Variants in KCNMA1 observed in about 807,000 individuals in gnomAD.
KCNMA1 encodes the protein Calcium-activated potassium channel subunit alpha-1.
Under a neutral mutation model 140.0 loss-of-function variants are expected in KCNMA1, and 29 were observed. The ratio of observed to expected loss-of-function variants is 0.21; its 90% CI spans 0.15 to 0.28. KCNMA1 has a LOEUF of 0.28. Among genes scored for constraint, KCNMA1 ranks in the 10% least tolerant of loss-of-function variants. The probability of loss-of-function intolerance (pLI) is 1.00; values close to 1 mark genes in which losing one functional copy is unlikely to be tolerated. For missense variants in KCNMA1, 880 were observed against 1,602.2 expected (o/e 0.55, Z 7.70); for synonymous variants, 612 against 611.9 (o/e 1.00, Z 0.00).
chr10:77,007,603 T>A (rs1378894189), intron 18 of KCNMA1, among the ~76,000 whole-genome samples: 12 of 147,644 alleles, frequency 8.1e-5, no homozygotes, highest in Non-Finnish European at 1.2e-4. Flanking sequence ...AATTTTTACA[T>A]ATAAGAATGT....
At chr10:77,082,163 G>T in intron 12 of KCNMA1, among the ~76,000 whole-genome samples, 1 of 151,036 alleles carries the variant, frequency 6.6e-6, no homozygotes. Context: ...TGAGTAACTG[G>T]GATTACAGGC....
chr10:77,426,070 T>A (rs2096981521), intron 1 of KCNMA1, among the ~76,000 whole-genome samples: 1 of 152,228 alleles, frequency 6.6e-6, no homozygotes, highest in Non-Finnish European at 1.5e-5. Context: ...GGACTCTCTT[T>A]AAATATTCAT....
intron 1 of KCNMA1, among the ~76,000 whole-genome samples, chr10:77,451,222 G>C (rs191597370): frequency 6.6e-6 from 1 of 152,170 alleles, no homozygotes; most frequent in African/African-American, 2.4e-5. Context: ...AGATACAAGA[G>C]GAGCCTGACC....
rs2049489016 is a variant in KCNMA1 at position 76,910,091 on chromosome 10, C to T, written c.3022G>A (p.Asp1008Asn). The change falls in exon 25 of 28, where the codon GAT (aspartate) becomes AAT (asparagine). Residue 1008 changes from aspartate to asparagine, a missense_variant. Coordinates refer to ENST00000286628, the MANE Select transcript of KCNMA1 (RefSeq NM_001161352.2). Reference protein sequence around the residue: ...NIPIITELVNDTNVQFLDQDD... With the variant: ...NIPIITELVNNTNVQFLDQDD... ...TGGTCCAAAAACTGAACATTAGTAT[C>T]GTTCACTAGAAAAAGCATAAAATAA... The T allele has an allele frequency of 3.7e-6, 6 of 1,613,902 alleles. No individual in the cohort carries two copies. The highest frequency in any genetic ancestry group is 4.2e-6 in the Non-Finnish European group (5 of 1,179,876).
intron 6 of KCNMA1, among the ~76,000 whole-genome samples, chr10:77,119,569 T>C (rs2153938552): frequency 6.6e-6 from 1 of 152,316 alleles, no homozygotes; most frequent in Middle Eastern, 3.4e-3. Context: ...GCTAGCTTCA[T>C]TGATCGTTTA....
chr10:77,275,888 C>T (rs1470188237), intron 2 of KCNMA1, among the ~76,000 whole-genome samples: 1 of 151,726 alleles, frequency 6.6e-6, no homozygotes, highest in South Asian at 2.1e-4. Context: ...CGCTGCTTTC[C>T]ATCCACGGAT....
intron 16 of KCNMA1, chr10:77,020,951 G>C (rs1271115564): frequency 6.6e-6 from 1 of 151,992 alleles, no homozygotes; most frequent in Non-Finnish European, 1.5e-5. Flanking sequence ...ATAATCTTTA[G>C]AGAATTAAGA....
At chr10:77,344,943 CAT>C (rs1191617248) in intron 2 of KCNMA1, among the ~76,000 whole-genome samples, 3 of 152,098 alleles carry the variant, frequency 2.0e-5, no homozygotes, top group Non-Finnish European at 4.4e-5. Flanking sequence ...TAATAACAAT[CAT>C]GTGTTAGTCT....
At chr10:77,247,908 GTCTTAGCCAGATAGTAA>G (rs1226043511) in intron 3 of KCNMA1, among the ~76,000 whole-genome samples, 1 of 152,206 alleles carries the variant, frequency 6.6e-6, no homozygotes, top group East Asian at 1.9e-4. Flanking sequence ...AGGACAATCT[GTCTTAGCCAGATAGTAA>G]TCACTTGCAG....
At chr10:77,444,389 T>G (rs567715161) in intron 1 of KCNMA1, among the ~76,000 whole-genome samples, 1 of 152,316 alleles carries the variant, frequency 6.6e-6, no homozygotes, top group African/African-American at 2.4e-5. Flanking sequence ...GAAAGAGAAC[T>G]TTTCTCTGTC....
intron 2 of KCNMA1, among the ~76,000 whole-genome samples, chr10:77,395,485 T>C (rs2096014959): frequency 6.6e-6 from 1 of 152,242 alleles, no homozygotes. Flanking sequence ...GTGAGTGCTA[T>C]GTGATGCCCA....
chr10:76,887,094 T>C lies in KCNMA1; in HGVS notation c.*172A>G, dbSNP rs1334619018. 2 of 1,557,774 alleles carry C rather than the reference T, an allele frequency of 1.3e-6. No individual in the cohort carries two copies. The highest frequency in any genetic ancestry group is 1.2e-5 in the South Asian group (1 of 85,458). On this transcript the variant is annotated 3_prime_UTR_variant, in exon 28 of 28. Coordinates refer to ENST00000286628, the MANE Select transcript of KCNMA1 (RefSeq NM_001161352.2). ...TTTGCTGTTGTGCTCAAGGGTTTTA[T>C]GGTGGTGAAATAAAAATGACAACCA... is the stretch of plus-strand genomic sequence containing the variant.
At chr10:76,894,785 T>A (rs1177008863) in intron 25 of KCNMA1, among the ~76,000 whole-genome samples, 3 of 152,112 alleles carry the variant, frequency 2.0e-5, no homozygotes, top group African/African-American at 7.2e-5. Flanking sequence ...TTACACCTAC[T>A]AGAATAGCTG....
At chr10:77,204,958 T>C (rs2043602065) in intron 3 of KCNMA1, among the ~76,000 whole-genome samples, 1 of 152,144 alleles carries the variant, frequency 6.6e-6, no homozygotes, top group South Asian at 2.1e-4. Flanking sequence ...CTTCCCCTGA[T>C]CAGTCAACAA....
chr10:77,107,126 G>C (rs1455573902), intron 9 of KCNMA1, among the ~76,000 whole-genome samples: 1 of 152,136 alleles, frequency 6.6e-6, no homozygotes, highest in Non-Finnish European at 1.5e-5. Context: ...TGTCCCACAC[G>C]GCTGACTGTC....
Position 77,170,729 on chromosome 10 carries a change from C to T in KCNMA1, c.808+12692G>A, listed in dbSNP as rs187388668. 5.3e-5 allele frequency among the ~76,000 whole-genome samples: 8 copies of T among 152,246 alleles called. No individual in the cohort carries two copies. In the East Asian group the frequency reaches 7.7e-4, roughly 15 times the overall value. ...TCCTAATTTCAGAGAGTTTAGGAAGCGATATCAACCAAATTGGCTCTAGAC... is the reference window on the plus strand; with the variant it reads ...TCCTAATTTCAGAGAGTTTAGGAAGTGATATCAACCAAATTGGCTCTAGAC... On this transcript the variant is annotated intron_variant, in intron 5 of 27. Coordinates refer to ENST00000286628, the MANE Select transcript of KCNMA1 (RefSeq NM_001161352.2).
At chr10:77,448,923 C>CA (rs2097578465) in intron 1 of KCNMA1, among the ~76,000 whole-genome samples, 1 of 151,940 alleles carries the variant, frequency 6.6e-6, no homozygotes, top group South Asian at 2.1e-4. Context: ...CCCGTCTCTA[C>CA]TAAAAATACA....
At chr10:77,288,779 G>C (rs1242345863) in intron 2 of KCNMA1, among the ~76,000 whole-genome samples, 1 of 152,182 alleles carries the variant, frequency 6.6e-6, no homozygotes, top group Non-Finnish European at 1.5e-5. Context: ...GATTAGAGGA[G>C]ATCTGAGGCT....
chr10:77,095,003 A>G (rs2153809127), intron 9 of KCNMA1, among the ~76,000 whole-genome samples: 1 of 152,254 alleles, frequency 6.6e-6, no homozygotes, highest in African/African-American at 2.4e-5. Context: ...CCCTACCCCA[A>G]ATGTCTATTT....
Sources: allele counts gnomAD v4.1 joint callset (sites outside exome capture counted in the v4.1 genomes callset), GRCh38; gene constraint gnomAD v4.1.1; transcripts MANE v1.5; gene names NCBI Gene and HGNC (gene_info 2026-07-23, HGNC 2026-07-21).